HMGB1: variants seen among roughly 807,000 people sequenced by gnomAD.
HMGB1 encodes the protein high mobility group protein B1.
For missense variants in HMGB1, 79 were observed against 253.5 expected (o/e 0.31, Z 4.67); for synonymous variants, 81 against 84.0 (o/e 0.96, Z 0.19).
intron 1 of HMGB1, among the ~76,000 whole-genome samples, chr13:30,495,997 T>C (rs1015642464): frequency 7.2e-5 from 11 of 152,326 alleles, no homozygotes; most frequent in African/African-American, 2.6e-4. Context: ...AGTGGGACCA[T>C]TGTATCCTTT....
At chr13:30,589,704 A>G (rs145965650) in intron 1 of HMGB1, among the ~76,000 whole-genome samples, 1 of 152,228 alleles carries the variant, frequency 6.6e-6, no homozygotes, top group Admixed American at 6.5e-5. Context: ...CCCCATCTCT[A>G]CTAAAAATAC....
chr13:30,570,224 G>A (rs1870368643), intron 1 of HMGB1, among the ~76,000 whole-genome samples: 1 of 152,200 alleles, frequency 6.6e-6, no homozygotes, highest in South Asian at 2.1e-4. Flanking sequence ...AGGCCAAGAT[G>A]GGTGGATCAC....
intron 1 of HMGB1, among the ~76,000 whole-genome samples, chr13:30,608,048 T>C (rs1950477607): frequency 6.6e-6 from 1 of 152,176 alleles, no homozygotes; most frequent in South Asian, 2.1e-4. Context: ...AGTAGGTCAC[T>C]TCCGAGGTTA....
At chr13:30,595,049 A>G (rs1871540932) in intron 1 of HMGB1, among the ~76,000 whole-genome samples, 1 of 152,136 alleles carries the variant, frequency 6.6e-6, no homozygotes, top group South Asian at 2.1e-4. Flanking sequence ...TTTTCAAATG[A>G]AAAATAAAAG....
chr13:30,538,701 CTT>C (rs757721884), intron 1 of HMGB1, among the ~76,000 whole-genome samples: 9 of 55,062 alleles, frequency 1.6e-4, no homozygotes, highest in African/African-American at 6.6e-4. Flanking sequence ...TTCTTTCTTT[CTT>C]TTTCTTTCTT....
chr13:30,465,096 C>T, intron 1 of HMGB1: 1 of 936,176 alleles, frequency 1.1e-6, no homozygotes, highest in South Asian at 4.9e-5. Context: ...CGCCCAGCTC[C>T]CCCGCCCGCC....
chr13:30,513,320 C>A (rs935490978), intron 1 of HMGB1, among the ~76,000 whole-genome samples: 6 of 152,154 alleles, frequency 3.9e-5, no homozygotes, highest in Non-Finnish European at 4.4e-5. Flanking sequence ...TTCAATTTTT[C>A]CCTCCTGGTT....
At chr13:30,534,628 T>A (rs1191541444) in intron 1 of HMGB1, among the ~76,000 whole-genome samples, 1 of 151,036 alleles carries the variant, frequency 6.6e-6, no homozygotes, top group Non-Finnish European at 1.5e-5. Flanking sequence ...TTTTTTTTTT[T>A]TTTTTTTTGA....
At chr13:30,468,928 C>T (rs1162448775), upstream of HMGB1, among the ~76,000 whole-genome samples, 1 of 152,066 alleles carries the variant, frequency 6.6e-6, no homozygotes, top group Non-Finnish European at 1.5e-5. Context: ...GGGTCTTGCT[C>T]TGTTGCCCAG....
intron 1 of HMGB1, among the ~76,000 whole-genome samples, chr13:30,594,445 A>G (rs4769854): frequency 0.54 from 81,563 of 151,936 alleles, 24,537 homozygotes; most frequent in African/African-American, 0.82. Context: ...TGTACCCAAG[A>G]CTTATCTCCC....
At chr13:30,492,083 G>T (rs1319299380) in intron 1 of HMGB1, among the ~76,000 whole-genome samples, 1 of 151,800 alleles carries the variant, frequency 6.6e-6, no homozygotes, top group African/African-American at 2.4e-5. Context: ...CAGGAGAATC[G>T]CTTGAAGCCA....
chr13:30,549,342 A>G (rs1275106583), intron 1 of HMGB1, among the ~76,000 whole-genome samples: 2 of 152,168 alleles, frequency 1.3e-5, no homozygotes, highest in African/African-American at 4.8e-5. Flanking sequence ...TATTTGACAG[A>G]TTCTAAAACA....
chr13:30,561,472 C>T (rs1291480986), intron 1 of HMGB1, among the ~76,000 whole-genome samples: 1 of 152,076 alleles, frequency 6.6e-6, no homozygotes, highest in African/African-American at 2.4e-5. Context: ...ATGGTGGACT[C>T]GGAGAAGAGG....
chr13:30,592,886 A>G lies in HMGB1; in HGVS notation c.-15+23785T>C, dbSNP rs547392280. Among the ~76,000 whole-genome samples, 16 of 151,338 alleles carry G rather than the reference A, an allele frequency of 1.1e-4. No individual in the cohort carries two copies. The East Asian group carries it at 3.1e-3, about 29-fold the overall frequency. On this transcript the variant is annotated intron_variant, in intron 1 of 4. Coordinates refer to the HMGB1 transcript ENST00000405805. ...TGCTTTTTTTTAAAAAAAAAAAAAA[A>G]GCGAATCCCTGGGACACTTCATATA...
intron 1 of HMGB1, among the ~76,000 whole-genome samples, chr13:30,488,821 C>G (rs1887423796): frequency 6.6e-6 from 1 of 151,858 alleles, no homozygotes; most frequent in South Asian, 2.1e-4. Context: ...GCCCATACAA[C>G]TTTTCAATTA....
chr13:30,552,496 C>G (rs1449120370), intron 1 of HMGB1, among the ~76,000 whole-genome samples: 1 of 152,136 alleles, frequency 6.6e-6, no homozygotes, highest in Non-Finnish European at 1.5e-5. Flanking sequence ...CTCCCTTCTC[C>G]CCACACCCCC....
chr13:30,603,910 C>T (rs1013576637), intron 1 of HMGB1, among the ~76,000 whole-genome samples: 10 of 151,906 alleles, frequency 6.6e-5, no homozygotes, highest in African/African-American at 1.2e-4. Flanking sequence ...TTTTTTTTCT[C>T]GTCTAATATT....
In HMGB1 at chr13:30,511,958, G is replaced by C. The variant is rs555476351; in HGVS notation, c.-14-48264C>G. Reference sequence around the variant, plus strand: ...GATTCTTCTTTGTGGGGGCGACTGTGGCCTACCCTTTAAGAGCTAAAGTTG... The same window carrying C: ...GATTCTTCTTTGTGGGGGCGACTGTCGCCTACCCTTTAAGAGCTAAAGTTG... On this transcript the variant is annotated intron_variant, in intron 1 of 4. Transcript: ENST00000405805. 4.6e-5 allele frequency among the ~76,000 whole-genome samples: 7 copies of C among 152,166 alleles called. No individual in the cohort carries two copies. In the East Asian group the frequency reaches 1.4e-3, roughly 29 times the overall value.
Position 30,515,121 on chromosome 13 carries a change from G to A in HMGB1, c.-14-51427C>T, listed in dbSNP as rs527816235. Among the ~76,000 whole-genome samples the A allele has an allele frequency of 9.9e-5, 15 of 152,194 alleles. 1 individual carries two copies. The highest frequency in any genetic ancestry group is 4.1e-4 in the South Asian group (2 of 4,836). The stretch of plus-strand genomic sequence containing the variant: ...TCAAAGCACAAGAAGACTAGGACTC[G>A]CCCTTGCTGGCTTGAAGGTGTTGGG... On this transcript the variant is annotated intron_variant, in intron 1 of 4. Coordinates refer to the HMGB1 transcript ENST00000405805.
Sources: allele counts gnomAD v4.1 joint callset (sites outside exome capture counted in the v4.1 genomes callset), GRCh38; gene constraint gnomAD v4.1.1; transcripts MANE v1.5; gene names NCBI Gene and HGNC (gene_info 2026-07-23, HGNC 2026-07-21).